Variants in CCDC170 observed in about 807,000 individuals in gnomAD.
The protein encoded by CCDC170 is coiled-coil domain-containing protein 170.
Under a neutral mutation model 72.6 loss-of-function variants are expected in CCDC170, and 69 were observed. The ratio of observed to expected loss-of-function variants is 0.95; its 90% CI spans 0.78 to 1.16. CCDC170 has a LOEUF of 1.16. Among genes scored for constraint, CCDC170 ranks in the 50% most tolerant of loss-of-function variants. CCDC170 has a pLI of 0.00. For missense variants in CCDC170, 852 were observed against 832.5 expected, an observed-to-expected ratio of 1.02 and a Z score of -0.29; for synonymous variants, 300 against 303.9, an observed-to-expected ratio of 0.99 and a Z score of 0.13.
intron 6 of CCDC170, among the ~76,000 whole-genome samples, chr6:151,578,633 G>A (rs185496966): frequency 1.3e-5 from 2 of 152,242 alleles, no homozygotes; most frequent in Non-Finnish European, 2.9e-5. Flanking sequence ...TTTTGAGGGG[G>A]ACCTAATTTA....
intron 1 of CCDC170, among the ~76,000 whole-genome samples, chr6:151,498,894 C>G (rs1297262733): frequency 6.7e-6 from 1 of 148,834 alleles, no homozygotes. Flanking sequence ...ATTCTAAGCA[C>G]TCTGTATAAG....
intron 1 of CCDC170, among the ~76,000 whole-genome samples, chr6:151,495,682 G>C (rs1371126158): frequency 6.6e-6 from 1 of 152,038 alleles, no homozygotes; most frequent in Non-Finnish European, 1.5e-5. Flanking sequence ...TCTTTGCAGA[G>C]GCAGAGTTTT....
intron 6 of CCDC170, among the ~76,000 whole-genome samples, chr6:151,576,643 AT>A (rs1346439532): frequency 6.6e-6 from 1 of 152,028 alleles, no homozygotes; most frequent in African/African-American, 2.4e-5. Flanking sequence ...CTACCCTGTA[AT>A]TTTTTTCAAT....
chr6:151,603,659 A>T (rs1051224805), intron 9 of CCDC170, among the ~76,000 whole-genome samples: 3 of 152,230 alleles, frequency 2.0e-5, no homozygotes, highest in African/African-American at 7.2e-5. Flanking sequence ...AGAGGCATTT[A>T]TTCCCTTCTC....
chr6:151,601,134 G>A (rs1193381445), intron 9 of CCDC170, among the ~76,000 whole-genome samples: 1 of 152,180 alleles, frequency 6.6e-6, no homozygotes, highest in East Asian at 1.9e-4. Context: ...CATAATCATG[G>A]CAGAAGGTTA....
At chr6:151,539,705 G>T (rs1437248544) in intron 3 of CCDC170, among the ~76,000 whole-genome samples, 4 of 152,152 alleles carry the variant, frequency 2.6e-5, no homozygotes, top group Non-Finnish European at 5.9e-5. Flanking sequence ...TCTCTTCCCA[G>T]AGCTCAAGAA....
intron 5 of CCDC170, among the ~76,000 whole-genome samples, chr6:151,563,280 T>A (rs1776075581): frequency 6.6e-6 from 1 of 152,332 alleles, no homozygotes; most frequent in East Asian, 1.9e-4. Flanking sequence ...GAAGAACCAC[T>A]CTTGTGTCCA....
chr6:151,536,898 T>C (rs1298981875), intron 2 of CCDC170, among the ~76,000 whole-genome samples: 1 of 151,962 alleles, frequency 6.6e-6, no homozygotes, highest in Non-Finnish European at 1.5e-5. Context: ...CTCTTGTGCC[T>C]ATCCCCTAGA....
intron 1 of CCDC170, among the ~76,000 whole-genome samples, chr6:151,513,672 C>T (rs985860406): frequency 1.4e-5 from 2 of 143,774 alleles, no homozygotes; most frequent in African/African-American, 5.2e-5. Flanking sequence ...AATCCCAGCA[C>T]TTTGGGAGGC....
intron 5 of CCDC170, among the ~76,000 whole-genome samples, chr6:151,549,508 A>T (rs906091780): frequency 6.6e-6 from 1 of 152,222 alleles, no homozygotes; most frequent in Admixed American, 6.5e-5. Flanking sequence ...GTACAGGAGT[A>T]TATGGTGAAA....
chr6:151,613,847 C>T (rs1776914716), intron 9 of CCDC170, among the ~76,000 whole-genome samples: 1 of 152,132 alleles, frequency 6.6e-6, no homozygotes, highest in South Asian at 2.1e-4. Flanking sequence ...TTCTCTTGCC[C>T]ATACGCCTAG....
chr6:151,496,291 C>T (rs1562819234), intron 1 of CCDC170, among the ~76,000 whole-genome samples: 1 of 152,160 alleles, frequency 6.6e-6, no homozygotes, highest in African/African-American at 2.4e-5. Context: ...GATTTTTCCC[C>T]TTTAGCAATA....
At chr6:151,583,994 T>A (rs546536129) in intron 6 of CCDC170, among the ~76,000 whole-genome samples, 4 of 152,148 alleles carry the variant, frequency 2.6e-5, no homozygotes, top group Non-Finnish European at 4.4e-5. Flanking sequence ...CGATCACAGA[T>A]CACCATAACA....
intron 1 of CCDC170, among the ~76,000 whole-genome samples, chr6:151,501,163 ACTAT>A (rs140715149): frequency 0.09 from 13,634 of 152,144 alleles, 713 homozygotes; most frequent in Middle Eastern, 0.16. Flanking sequence ...AAAAATAATG[ACTAT>A]CTAATTATGA....
intron 1 of CCDC170, among the ~76,000 whole-genome samples, chr6:151,515,323 C>CTT (rs1782218695): frequency 6.6e-6 from 1 of 152,190 alleles, no homozygotes. Context: ...CACTCTGTCA[C>CTT]CCAGACTGAA....
intron 9 of CCDC170, among the ~76,000 whole-genome samples, chr6:151,611,013 G>A (rs955822730): frequency 5.9e-5 from 9 of 152,228 alleles, no homozygotes; most frequent in Admixed American, 5.9e-4. Context: ...GTCTAGAAAG[G>A]TGTCTTAGTC....
At chr6:151,561,997 C>T (rs1045923613) in intron 5 of CCDC170, among the ~76,000 whole-genome samples, 1 of 151,864 alleles carries the variant, frequency 6.6e-6, no homozygotes, top group Admixed American at 6.6e-5. Flanking sequence ...CTTTCTTCTG[C>T]TTAGTGTAAT....
At chr6:151,557,459 T>C (rs186119230) in intron 5 of CCDC170, among the ~76,000 whole-genome samples, 1 of 152,228 alleles carries the variant, frequency 6.6e-6, no homozygotes, top group East Asian at 1.9e-4. Context: ...TTCGGTTGAT[T>C]CCGTATATTT....
chr6:151,585,877 CT>C lies in CCDC170; in HGVS notation c.1093-9del. ...AACAAGGCTTATTCTTGATCTGTTTCTTTGTTTCCAGATGGTCTCCCAGCTT... is the reference window on the plus strand; with the variant it reads ...AACAAGGCTTATTCTTGATCTGTTTCTTGTTTCCAGATGGTCTCCCAGCTT... On this transcript the variant is annotated splice_polypyrimidine_tract_variant and intron_variant, in intron 6 of 10. Transcript: ENST00000239374. The C allele has an allele frequency of 6.2e-7, 1 of 1,611,630 alleles. No homozygotes were observed. The highest frequency in any genetic ancestry group is 1.1e-5 in the South Asian group (1 of 90,604).
Sources: gnomAD v4.1 joint callset for allele counts (sites outside exome capture counted in the v4.1 genomes callset) on GRCh38, gnomAD v4.1.1 for gene constraint, MANE v1.5 for transcripts, NCBI Gene and HGNC (gene_info 2026-07-23, HGNC 2026-07-21) for gene names.